Variants in CAMSAP2 observed in about 807,000 individuals in gnomAD.
The protein encoded by CAMSAP2 is calmodulin-regulated spectrin-associated protein 2.
Under a neutral mutation model 146.1 loss-of-function variants are expected in CAMSAP2, and 26 were observed. That is an observed-to-expected ratio of 0.18 (90% CI 0.13 to 0.25). The LOEUF is 0.25. CAMSAP2 is among the 10% of genes least tolerant of loss of function. The pLI, the probability that CAMSAP2 is intolerant of heterozygous loss-of-function variation, is 1.00. For missense variants in CAMSAP2, 1,381 were observed against 1,759.3 expected, an observed-to-expected ratio of 0.78 and a Z score of 3.85; for synonymous variants, 499 against 596.6, an observed-to-expected ratio of 0.84 and a Z score of 2.38.
intron 8 of CAMSAP2, among the ~76,000 whole-genome samples, chr1:200,845,184 A>T (rs1050560544): frequency 1.3e-5 from 2 of 152,068 alleles, no homozygotes; most frequent in Non-Finnish European, 2.9e-5. Flanking sequence ...TAGGCCTTGG[A>T]GGGAAATTTT....
chr1:200,753,615 C>G (rs1664570273), intron 1 of CAMSAP2, among the ~76,000 whole-genome samples: 1 of 152,176 alleles, frequency 6.6e-6, no homozygotes, highest in Non-Finnish European at 1.5e-5. Context: ...ACACAGAGTC[C>G]TGCCCTCAAA....
At chr1:200,789,754 C>A (rs962727684) in intron 2 of CAMSAP2, among the ~76,000 whole-genome samples, 3 of 152,144 alleles carry the variant, frequency 2.0e-5, no homozygotes, top group Non-Finnish European at 4.4e-5. Context: ...TGGGAAAAAC[C>A]GGTATCTTGA....
intron 2 of CAMSAP2, among the ~76,000 whole-genome samples, chr1:200,775,082 A>G (rs924871591): frequency 6.6e-6 from 1 of 152,248 alleles, no homozygotes; most frequent in Non-Finnish European, 1.5e-5. Context: ...GTAAGGAGCT[A>G]CAAGGAGTGG....
intron 4 of CAMSAP2, among the ~76,000 whole-genome samples, chr1:200,816,778 GTATA>G (rs1187228680): frequency 9.2e-6 from 1 of 108,268 alleles, no homozygotes; most frequent in Non-Finnish European, 2.0e-5. Flanking sequence ...ACACACGCGT[GTATA>G]TATGTGTGTA....
At chr1:200,781,775 C>T (rs1157659270) in intron 2 of CAMSAP2, among the ~76,000 whole-genome samples, 1 of 152,054 alleles carries the variant, frequency 6.6e-6, no homozygotes. Flanking sequence ...AACTCTTGGG[C>T]TCAAGCGATC....
chr1:200,837,038 G>A (rs1041850217), intron 6 of CAMSAP2, among the ~76,000 whole-genome samples: 1 of 152,046 alleles, frequency 6.6e-6, no homozygotes, highest in African/African-American at 2.4e-5. Context: ...CATTCTATAA[G>A]CTCTCTGTTC....
At chr1:200,850,672 A>C (rs1389453283) in intron 11 of CAMSAP2, among the ~76,000 whole-genome samples, 1 of 152,202 alleles carries the variant, frequency 6.6e-6, no homozygotes, top group Non-Finnish European at 1.5e-5. Context: ...GAAGAAAATC[A>C]TTAGTATAAA....
At chr1:200,770,649 T>G (rs1435223221) in intron 2 of CAMSAP2, among the ~76,000 whole-genome samples, 2 of 152,094 alleles carry the variant, frequency 1.3e-5, no homozygotes, top group African/African-American at 4.8e-5. Context: ...CTCCTGACCT[T>G]GTGATCCACC....
rs765232156 is a variant in CAMSAP2 at position 200,850,167 on chromosome 1, A to G, written c.3398A>G (p.Tyr1133Cys). The change falls in exon 11 of 17, where the codon TAT becomes TGT. Residue 1133 changes from tyrosine (Y) to cysteine (C), a missense_variant. Physicochemically the swap from Tyr to Cys is radical, Grantham distance 194. This residue lies in a region of CAMSAP2 where 560 missense variants were observed against 715.9 expected (regional missense o/e 0.78). Coordinates refer to ENST00000358823, the MANE Select transcript of CAMSAP2 (RefSeq NM_203459.4). ...PEKADVPVEK[Y>C]DGESDKEQFD... ...AAGGCTGATGTACCTGTTGAAAAAT[A>G]TGATGGAGAAAGTGATAAAGAACAA... 13 of 1,604,864 alleles carry G rather than the reference A, an allele frequency of 8.1e-6. No individual in the cohort carries two copies. The highest frequency in any genetic ancestry group is 4.5e-5 in the South Asian group (4 of 89,588).
chr1:200,744,999 A>G (rs182346834), intron 1 of CAMSAP2, among the ~76,000 whole-genome samples: 65 of 152,300 alleles, frequency 4.3e-4, no homozygotes, highest in African/African-American at 1.5e-3. Context: ...AAGAAAAAAT[A>G]CTATTAAGTA....
intron 1 of CAMSAP2, among the ~76,000 whole-genome samples, chr1:200,756,017 C>T (rs1248749501): frequency 2.0e-5 from 3 of 152,128 alleles, no homozygotes; most frequent in South Asian, 4.1e-4. Context: ...ATTCTAGCAA[C>T]AGGAAGAGTT....
intron 4 of CAMSAP2, among the ~76,000 whole-genome samples, chr1:200,818,535 C>G (rs1172254547): frequency 6.6e-6 from 1 of 151,994 alleles, no homozygotes; most frequent in Admixed American, 6.6e-5. Context: ...GAATTTTATC[C>G]TTTTCCCCCC....
At chr1:200,811,292 C>T (rs12736722) in intron 3 of CAMSAP2, among the ~76,000 whole-genome samples, 14,916 of 152,116 alleles carry the variant, frequency 0.098, 845 homozygotes, top group East Asian at 0.17. Context: ...TTCTTAGAAT[C>T]TTTCCTACAC....
chr1:200,839,956 G>A (rs1445787472), intron 6 of CAMSAP2, among the ~76,000 whole-genome samples: 1 of 152,126 alleles, frequency 6.6e-6, no homozygotes, highest in East Asian at 1.9e-4. Context: ...ACTTTTTTTA[G>A]TCACAAATTT....
intron 4 of CAMSAP2, among the ~76,000 whole-genome samples, chr1:200,822,628 C>T (rs1255053446): frequency 6.6e-6 from 1 of 152,184 alleles, no homozygotes; most frequent in Non-Finnish European, 1.5e-5. Context: ...TTAAGATATT[C>T]TCTGGTTTCT....
intron 4 of CAMSAP2, among the ~76,000 whole-genome samples, chr1:200,819,209 G>A (rs1571796387): frequency 6.6e-6 from 1 of 152,082 alleles, no homozygotes; most frequent in African/African-American, 2.4e-5. Flanking sequence ...CTAAGAGAAA[G>A]GCATTTTAAA....
At chr1:200,844,723 C>A in intron 7 of CAMSAP2, 59 bp from the exon 8 acceptor site, 1 of 986,768 alleles carries the variant, frequency 1.0e-6, no homozygotes, top group South Asian at 1.7e-5. Context: ...GCTTATGGTC[C>A]AGAATTTTTC....
chr1:200,740,252 G>A (rs1383381792), intron 1 of CAMSAP2, among the ~76,000 whole-genome samples: 1 of 151,636 alleles, frequency 6.6e-6, no homozygotes, highest in Non-Finnish European at 1.5e-5. Context: ...TTTACATAGA[G>A]TGGTTTTGAT....
chr1:200,830,057 C>A (rs1667003289), intron 4 of CAMSAP2, among the ~76,000 whole-genome samples: 1 of 152,136 alleles, frequency 6.6e-6, no homozygotes, highest in East Asian at 1.9e-4. Context: ...TCTTAGTTTG[C>A]AGAAAGAAAG....
Sources: gnomAD v4.1 joint callset for allele counts (sites outside exome capture counted in the v4.1 genomes callset) on GRCh38, gnomAD v4.1.1 for gene constraint, gnomAD v4.1.1 regional missense constraint, MANE v1.5 for transcripts, NCBI Gene and HGNC (gene_info 2026-07-23, HGNC 2026-07-21) for gene names.